Variants in ZNF431 observed in about 807,000 individuals in gnomAD.
ZNF431 encodes zinc finger protein 431.
In ZNF431, 34 loss-of-function variants were observed where a neutral mutation model predicts 57.0. That is an observed-to-expected ratio of 0.60 (90% CI 0.45 to 0.79). The LOEUF (loss-of-function observed/expected upper bound fraction) is 0.79. Ranked by LOEUF, ZNF431 falls within the 30% of genes least tolerant of loss-of-function variation. ZNF431 has a pLI of 0.00. For synonymous variants in ZNF431, 207 were observed against 220.3 expected (o/e 0.94, Z 0.54); for missense variants, 607 against 667.1 (o/e 0.91, Z 0.99).
chr19:21,181,824 G>A (rs1568314627), intron 4 of ZNF431, among the ~76,000 whole-genome samples: 1 of 151,476 alleles, frequency 6.6e-6, no homozygotes, highest in Non-Finnish European at 1.5e-5. Flanking sequence ...TATAATTTTG[G>A]TGGAGCGATT....
chr19:21,177,106 A>G (rs1400205845), intron 4 of ZNF431, among the ~76,000 whole-genome samples: 1 of 152,166 alleles, frequency 6.6e-6, no homozygotes, highest in Non-Finnish European at 1.5e-5. Context: ...ATCTTTGCCC[A>G]TGCCTATGTC....
At position 21,181,168 on chromosome 19, in the gene ZNF431, AT is replaced by A. The variant is rs926611499; in HGVS notation, c.320-1447del. Among the ~76,000 whole-genome samples, 273 of 151,726 alleles carry A rather than the reference AT, an allele frequency of 1.8e-3. 3 individuals are homozygous for A. Among genetic ancestry groups the A allele is most frequent in the African/African-American group, 5.7e-3 (237 of 41,398 alleles). Reference sequence around the variant, plus strand: ...AGAAATTCCATTTTTGTGTATGTGCATTTTTTTTCCCAGAGAATAATGTCTT... The same window carrying A: ...AGAAATTCCATTTTTGTGTATGTGCATTTTTTTCCCAGAGAATAATGTCTT... On this transcript the variant is annotated intron_variant, in intron 4 of 4. Transcript: ENST00000311048.
At chr19:21,148,019 A>T (rs1433504417) in intron 2 of ZNF431, among the ~76,000 whole-genome samples, 25 of 150,758 alleles carry the variant, frequency 1.7e-4, no homozygotes, top group Non-Finnish European at 2.9e-5. Context: ...TTTTTGAGAC[A>T]GAGTCTCGCC....
intron 4 of ZNF431, among the ~76,000 whole-genome samples, chr19:21,171,714 T>TATA: frequency 1.7e-4 from 1 of 5,776 alleles, no homozygotes; most frequent in Non-Finnish European, 4.7e-4. Context: ...ATATATATAT[T>TATA]TTTTTTTTTT....
chr19:21,155,114 A>G (rs112602771), intron 2 of ZNF431, among the ~76,000 whole-genome samples: 112,788 of 151,972 alleles, frequency 0.74, 42,844 homozygotes, highest in Middle Eastern at 0.86. Context: ...GTCCTGAATG[A>G]TATTGCCTAG....
intron 4 of ZNF431, among the ~76,000 whole-genome samples, chr19:21,171,600 T>C (rs1376074545): frequency 6.6e-6 from 1 of 151,546 alleles, no homozygotes; most frequent in Non-Finnish European, 1.5e-5. Context: ...TATATATTCT[T>C]TCTTAACTGA....
chr19:21,185,676 GTCT>G lies in ZNF431; in HGVS notation c.*1644_*1646del, dbSNP rs1971352762. The G allele has an allele frequency of 2.0e-5, 3 of 152,146 alleles. No individual in the cohort carries two copies. Among genetic ancestry groups the G allele is most frequent in the African/African-American group, 4.8e-5 (2 of 41,418 alleles). The allele number at this position is 152,146 out of a possible 1,614,324, so 9.4% of individuals were successfully genotyped here. On this transcript the variant is annotated 3_prime_UTR_variant, in exon 5 of 5. Transcript: ENST00000311048. ...GGGTTTCACCATATTGGCCAAGCTGGTCTTGAACTCCTGACCTCATGTGATCCG... is the reference window on the plus strand; with the variant it reads ...GGGTTTCACCATATTGGCCAAGCTGGTGAACTCCTGACCTCATGTGATCCG...
intron 2 of ZNF431, among the ~76,000 whole-genome samples, chr19:21,165,892 C>CA (rs1970706090): frequency 6.6e-6 from 1 of 152,128 alleles, no homozygotes; most frequent in Non-Finnish European, 1.5e-5. Flanking sequence ...TTTAAAAACT[C>CA]AGACTTTATT....
At chr19:21,180,968 AG>A (rs1971194591) in intron 4 of ZNF431, among the ~76,000 whole-genome samples, 1 of 151,336 alleles carries the variant, frequency 6.6e-6, no homozygotes, top group African/African-American at 2.4e-5. Flanking sequence ...AAAGAACTTC[AG>A]TTGCATCCAA....
intron 2 of ZNF431, among the ~76,000 whole-genome samples, chr19:21,163,506 G>A (rs1402297634): frequency 6.6e-6 from 1 of 152,116 alleles, no homozygotes; most frequent in African/African-American, 2.4e-5. Context: ...ACATAGATTG[G>A]GACCAAAATT....
chr19:21,184,562 A>G lies in ZNF431; in HGVS notation c.*528A>G, dbSNP rs1472566934. On this transcript the variant is annotated 3_prime_UTR_variant, in exon 5 of 5. Coordinates refer to ENST00000311048, the MANE Select transcript of ZNF431 (RefSeq NM_133473.4). The stretch of plus-strand genomic sequence containing the variant: ...AAATCCTAGAAATCTGAAGAGTGAG[A>G]TAAAGCCTTTAAATGGTTGTCACAC... 4.6e-5 allele frequency: 7 copies of G among 153,570 alleles called. No individual in the cohort carries two copies. The highest frequency in any genetic ancestry group is 8.8e-5 in the Non-Finnish European group (6 of 68,400). The allele number at this position is 153,570 out of a possible 1,614,324, so 9.5% of individuals were successfully genotyped here. A position where few individuals can be genotyped will look rare whatever the true frequency, so the allele number is the denominator to read the frequency against.
chr19:21,175,370 C>T lies in ZNF431; in HGVS notation c.320-7253C>T, dbSNP rs530809148. The T allele has an allele frequency of 7.0e-5, 47 of 675,580 alleles. No individual in the cohort carries two copies. In the South Asian group the frequency reaches 7.6e-4, roughly 11 times the overall value. The allele number at this position is 675,580 out of a possible 1,614,324, so 41.8% of individuals were successfully genotyped here. On this transcript the variant is annotated intron_variant, in intron 4 of 4. Transcript: ENST00000311048. ...GTAATTTAACTAATTTTTAAAATGA[C>T]TGCTTAAAGATATAAAGTTACTATT...
chr19:21,143,238 AT>A lies in ZNF431; in HGVS notation c.4-307del, dbSNP rs745781797. Among the ~76,000 whole-genome samples, 358 of 152,226 alleles carry A rather than the reference AT, an allele frequency of 2.4e-3. 2 individuals are homozygous for A. Among genetic ancestry groups the A allele is most frequent in the South Asian group, 4.8e-3 (23 of 4,826 alleles). ...CGCTTTTCAAAAAGTTTTTTAAAAG[AT>A]TTTTTAAAAAAAATATCTGTAAATA... is the stretch of plus-strand genomic sequence containing the variant. On this transcript the variant is annotated intron_variant, in intron 1 of 4. Transcript: ENST00000311048.
intron 2 of ZNF431, chr19:21,162,723 T>C: frequency 1.0e-6 from 1 of 985,432 alleles, no homozygotes; most frequent in Non-Finnish European, 1.2e-6. Context: ...TTTCTAGAGC[T>C]GGTGCTCAAA....
intron 2 of ZNF431, among the ~76,000 whole-genome samples, chr19:21,161,997 T>C (rs144931621): frequency 3.4e-4 from 51 of 151,546 alleles, no homozygotes; most frequent in African/African-American, 1.2e-3. Flanking sequence ...CTTTTTTCAG[T>C]TGGAGTCTTG....
chr19:21,181,187 A>G (rs577276021), intron 4 of ZNF431, among the ~76,000 whole-genome samples: 1 of 152,196 alleles, frequency 6.6e-6, no homozygotes, highest in South Asian at 2.1e-4. Context: ...CCCAGAGAAT[A>G]ATGTCTTTTA....
rs962706186 is a variant in ZNF431 at position 21,142,082 on chromosome 19, T to G, written c.-102T>G. On this transcript the variant is annotated 5_prime_UTR_variant, in exon 1 of 5. Transcript: ENST00000311048. ...GAGCTCCAGGTCTCCCCTTCGCTGC[T>G]CTGTGTCCTCTGCTCCTAGAGGCCC... 1 of 1,507,302 alleles carries G rather than the reference T, an allele frequency of 6.6e-7. No individual in the cohort carries two copies. Among genetic ancestry groups the G allele is most frequent in the African/African-American group, 1.4e-5 (1 of 72,844 alleles). 93.4% of individuals were successfully genotyped at this position (1,507,302 alleles called of 1,614,324 possible).
chr19:21,161,694 C>A (rs1008535275), intron 2 of ZNF431, among the ~76,000 whole-genome samples: 1 of 152,066 alleles, frequency 6.6e-6, no homozygotes, highest in Admixed American at 6.6e-5. Flanking sequence ...GCTCTTGTTG[C>A]GCAGGCTGGA....
In ZNF431 at chr19:21,145,711, A is replaced by G. The variant is rs376037120; in HGVS notation, c.96+2068A>G. Among the ~76,000 whole-genome samples, 6 of 152,296 alleles carry G rather than the reference A, an allele frequency of 3.9e-5. No individual in the cohort carries two copies. The East Asian group carries it at 7.7e-4, about 20-fold the overall frequency. ...GGCAGTTTCTAGGCTTTGGAATATCAAAGTTAGATTTATGTAAAAAAAAAT... is the reference window on the plus strand; with the variant it reads ...GGCAGTTTCTAGGCTTTGGAATATCGAAGTTAGATTTATGTAAAAAAAAAT... On this transcript the variant is annotated intron_variant, in intron 2 of 4. Transcript: ENST00000311048.
Sources: gnomAD v4.1 joint callset for allele counts (sites outside exome capture counted in the v4.1 genomes callset) on GRCh38, gnomAD v4.1.1 for gene constraint, MANE v1.5 for transcripts, NCBI Gene and HGNC (gene_info 2026-07-23, HGNC 2026-07-21) for gene names.